The following ALX4 variants were observed in gnomAD, a reference collection of about 807,000 sequenced individuals.
The protein encoded by ALX4 is ALX homeobox 4, also known as homeobox protein aristaless-like 4.
Under a neutral mutation model 40.6 loss-of-function variants are expected in ALX4, and 22 were observed. That is an observed-to-expected ratio of 0.54 (90% CI 0.39 to 0.77). ALX4 has a LOEUF of 0.77. Ranked by LOEUF, ALX4 falls within the 30% of genes least tolerant of loss-of-function variation. The pLI is 0.00. For missense variants in ALX4, 556 were observed against 564.8 expected, an observed-to-expected ratio of 0.98 and a Z score of 0.16; for synonymous variants, 266 against 240.5, an observed-to-expected ratio of 1.11 and a Z score of -0.98.
intron 3 of ALX4, among the ~76,000 whole-genome samples, chr11:44,265,887 G>C (rs1956210991): frequency 6.6e-6 from 1 of 152,134 alleles, no homozygotes; most frequent in African/African-American, 2.4e-5. Context: ...TGTGCCACTG[G>C]GCTTCCCTTC....
intron 1 of ALX4, among the ~76,000 whole-genome samples, chr11:44,283,917 C>T (rs1015070904): frequency 6.6e-6 from 1 of 152,172 alleles, no homozygotes. Context: ...CTCTCTCTCT[C>T]CCTCCCATGG....
chr11:44,265,209 C>A, intron 3 of ALX4, 26 bp from the exon 4 acceptor site: 1 of 1,575,960 alleles, frequency 6.3e-7, no homozygotes, highest in Non-Finnish European at 8.6e-7. Context: ...AGAGATGTCA[C>A]CGGCTGGCGG....
intron 3 of ALX4, among the ~76,000 whole-genome samples, chr11:44,265,940 C>T (rs1215657945): frequency 6.6e-6 from 1 of 152,142 alleles, no homozygotes; most frequent in East Asian, 1.9e-4. Context: ...CCTCTACCTT[C>T]TAGGCACGTA....
intron 1 of ALX4, among the ~76,000 whole-genome samples, chr11:44,293,156 GA>G (rs754515227): frequency 0.31 from 20,745 of 67,624 alleles, 5,129 homozygotes; most frequent in Non-Finnish European, 0.33. Context: ...AGGAAGGAAG[GA>G]AGGAAGGAAG....
intron 2 of ALX4, among the ~76,000 whole-genome samples, chr11:44,272,340 T>C (rs1423018800): frequency 6.6e-6 from 1 of 151,172 alleles, no homozygotes; most frequent in African/African-American, 2.5e-5. Flanking sequence ...CCCATCTCTA[T>C]TAAATATACA....
chr11:44,272,815 T>TA (rs1480445972), intron 2 of ALX4, among the ~76,000 whole-genome samples: 3 of 138,666 alleles, frequency 2.2e-5, no homozygotes, highest in African/African-American at 5.0e-5. Context: ...TCTCAAAAAA[T>TA]AAAAAAATAA....
chr11:44,274,446 T>C (rs547951933), intron 2 of ALX4, among the ~76,000 whole-genome samples: 2 of 151,922 alleles, frequency 1.3e-5, no homozygotes, highest in East Asian at 1.9e-4. Context: ...TTGGGTTGAG[T>C]TCTATTCGGT....
intron 1 of ALX4, among the ~76,000 whole-genome samples, chr11:44,278,226 G>GT: frequency 6.6e-6 from 1 of 152,218 alleles, no homozygotes; most frequent in Non-Finnish European, 1.5e-5. Context: ...GGAACTGAGA[G>GT]TTGGTATGGA....
intron 1 of ALX4, among the ~76,000 whole-genome samples, chr11:44,278,968 G>A (rs976913646): frequency 6.6e-6 from 1 of 152,178 alleles, no homozygotes; most frequent in Non-Finnish European, 1.5e-5. Context: ...CTGAGGCTGG[G>A]TTCCTCATTT....
At chr11:44,274,825 G>T (rs1227977845) in intron 2 of ALX4, among the ~76,000 whole-genome samples, 1 of 152,232 alleles carries the variant, frequency 6.6e-6, no homozygotes. Flanking sequence ...AGCCACAGTG[G>T]TCAGGAAGAC....
At position 44,309,778 on chromosome 11, in the gene ALX4, C is replaced by G. The variant is rs1956496097; in HGVS notation, c.285G>C (p.Ser95=). The stretch of plus-strand genomic sequence containing the variant: ...GCGGCGGCGGCTGGGGCTGCGGGGT[C>G]GACGGCTGGGGCTGGAACTTGTTAA... ...GSFNKFQPQP[S]TPQPQPPPQP... is the part of the protein sequence containing the mutation. The change falls in exon 1 of 4, where the codon TCG becomes TCC. Residue 95 remains serine, a synonymous_variant. Transcript: ENST00000652299. 2.6e-6 allele frequency: 4 copies of G among 1,546,704 alleles called. No homozygotes were observed. The African/African-American group carries it at 5.5e-5, about 21-fold the overall frequency.
chr11:44,285,108 G>T (rs1380996660), intron 1 of ALX4, among the ~76,000 whole-genome samples: 1 of 152,152 alleles, frequency 6.6e-6, no homozygotes, highest in Admixed American at 6.5e-5. Context: ...GGGATTACAG[G>T]CACCCAGCAC....
At chr11:44,281,750 T>C (rs1956311791) in intron 1 of ALX4, among the ~76,000 whole-genome samples, 1 of 152,160 alleles carries the variant, frequency 6.6e-6, no homozygotes, top group South Asian at 2.1e-4. Context: ...CACTGGGGTC[T>C]GTCCAGAGCT....
chr11:44,290,606 A>G (rs1956363783), intron 1 of ALX4, among the ~76,000 whole-genome samples: 2 of 152,194 alleles, frequency 1.3e-5, no homozygotes, highest in African/African-American at 4.8e-5. Flanking sequence ...GTTGTTGGAG[A>G]GGTCTGTTGA....
At position 44,265,040 on chromosome 11, in the gene ALX4, C is replaced by T. The variant is rs1015282003; in HGVS notation, c.1050G>A (p.Leu350=). 6 of 1,613,106 alleles carry T rather than the reference C, an allele frequency of 3.7e-6. No homozygotes were observed. Among genetic ancestry groups the T allele is most frequent in the Non-Finnish European group, 4.2e-6 (5 of 1,179,926 alleles). Residue 350 remains leucine (L), a synonymous_variant, in exon 4 of 4, where the codon CTG becomes CTA. Transcript: ENST00000652299. ...CGTGACTGCCAGCCCCAGACACACTCAGGAAGTCGGTGACGCTGCTGGCCC... is the reference window on the plus strand; with the variant it reads ...CGTGACTGCCAGCCCCAGACACACTTAGGAAGTCGGTGACGCTGCTGGCCC... ...GSGASSVTDF[L]SVSGAGSHVG... is the part of the protein sequence containing the mutation.
At chr11:44,296,166 C>T (rs984964317) in intron 1 of ALX4, among the ~76,000 whole-genome samples, 2 of 152,166 alleles carry the variant, frequency 1.3e-5, no homozygotes, top group Non-Finnish European at 2.9e-5. Flanking sequence ...CAAATACATG[C>T]GCAATTGATT....
intron 1 of ALX4, among the ~76,000 whole-genome samples, chr11:44,299,973 G>C (rs1956425961): frequency 6.6e-6 from 1 of 152,292 alleles, no homozygotes; most frequent in Non-Finnish European, 1.5e-5. Flanking sequence ...AGGCAGGGAC[G>C]CTCAGTTGTT....
chr11:44,309,627 G>A lies in ALX4; in HGVS notation c.436C>T (p.His146Tyr). ...SLKLQEGSSG[H>Y]SAALQVPCYA... ...CAGGGAACCTGCAAGGCCGCGCTGT[G>A]GCCGCTGCTGCCTTCCTGGAGTTTG... The change falls in exon 1 of 4, where the codon CAC becomes TAC. Residue 146 changes from histidine (H) to tyrosine (Y), a missense_variant. Transcript: ENST00000652299. 6.3e-7 allele frequency: 1 copy of A among 1,590,174 alleles called. No homozygotes were observed. The highest frequency in any genetic ancestry group is 1.3e-5 in the African/African-American group (1 of 74,290).
At chr11:44,299,343 T>TG (rs1956421568) in intron 1 of ALX4, among the ~76,000 whole-genome samples, 1 of 147,986 alleles carries the variant, frequency 6.8e-6, no homozygotes, top group South Asian at 2.1e-4. Flanking sequence ...AAGAACGCTT[T>TG]GGGGGCCATG....
Sources: gnomAD v4.1 joint callset for allele counts (sites outside exome capture counted in the v4.1 genomes callset) on GRCh38, gnomAD v4.1.1 for gene constraint, MANE v1.5 for transcripts, NCBI Gene and HGNC (gene_info 2026-07-23, HGNC 2026-07-21) for gene names.